ANKRD28: variants seen among roughly 807,000 people sequenced by gnomAD.
ANKRD28 encodes the protein ankyrin repeat domain 28.
Under a neutral mutation model 126.5 loss-of-function variants are expected in ANKRD28, and 44 were observed. The ratio of observed to expected loss-of-function variants is 0.35; its 90% confidence interval spans 0.27 to 0.45. ANKRD28 has a LOEUF of 0.45. ANKRD28 is among the 20% of genes least tolerant of loss of function. The pLI is 1.00. For synonymous variants in ANKRD28, 442 were observed against 468.5 expected (o/e 0.94, Z 0.73); for missense variants, 1,110 against 1,316.6 (o/e 0.84, Z 2.43).
At position 15,692,194 on chromosome 3, in the gene ANKRD28, A is replaced by G. The variant is rs78574426; in HGVS notation, c.1762-1974T>C. Among the ~76,000 whole-genome samples the G allele has an allele frequency of 8.0e-3, 1,205 of 151,426 alleles. 9 individuals are homozygous for G. Among genetic ancestry groups the G allele is most frequent in the Non-Finnish European group, 0.013 (868 of 67,874 alleles). ...AGGTTGGGCATGGTCACTCACACCT[A>G]TATCTCAGCACTTTGGCAGGCCAAC... On this transcript the variant is annotated intron_variant, in intron 17 of 27. Transcript: ENST00000683139.
chr3:15,683,234 GT>G (rs1325744739), intron 21 of ANKRD28, among the ~76,000 whole-genome samples: 1 of 152,096 alleles, frequency 6.6e-6, no homozygotes, highest in Non-Finnish European at 1.5e-5. Flanking sequence ...CTTCTGAACA[GT>G]TTTATCTCAC....
chr3:15,797,763 A>T lies in ANKRD28; in HGVS notation c.-1242T>A. 1.0e-6 allele frequency: 1 copy of T among 985,424 alleles called. No homozygotes were observed. The highest frequency in any genetic ancestry group is 1.2e-6 in the Non-Finnish European group (1 of 829,930). The allele number at this position is 985,424 out of a possible 1,614,324, so 61.0% of individuals were successfully genotyped here. ...TTCCACTGTGAAAACCGCCACAGTT[A>T]TCCTTTTCAGATTTCAAATGCTTTC... On this transcript the variant is annotated 5_prime_UTR_variant, in exon 1 of 28. Coordinates refer to ENST00000683139, the MANE Select transcript of ANKRD28 (RefSeq NM_001349278.2).
At chr3:15,809,924 T>A (rs775715092) in intron 1 of ANKRD28, among the ~76,000 whole-genome samples, 1 of 152,216 alleles carries the variant, frequency 6.6e-6, no homozygotes, top group African/African-American at 2.4e-5. Context: ...TACATGCAGC[T>A]ATGCCCTTGC....
At chr3:15,675,809 A>G in intron 27 of ANKRD28, 89 bp downstream of exon 27, 2 of 1,151,874 alleles carry the variant, frequency 1.7e-6, no homozygotes, top group Non-Finnish European at 2.4e-6. Flanking sequence ...TCTTTGACCA[A>G]TAAAAAATAT....
chr3:15,850,224 T>TATATATATAGAGAGAGAGAG (rs1418223588), intron 1 of ANKRD28, among the ~76,000 whole-genome samples: 16 of 35,112 alleles, frequency 4.6e-4, no homozygotes, highest in Non-Finnish European at 7.8e-4. Flanking sequence ...TATATATATA[T>TATATATATAGAGAGAGAGAG]AGAGAGAGAG....
chr3:15,785,972 G>C (rs1402505998), intron 2 of ANKRD28, among the ~76,000 whole-genome samples: 1 of 151,942 alleles, frequency 6.6e-6, no homozygotes, highest in African/African-American at 2.4e-5. Flanking sequence ...CCAACTATAT[G>C]ACATTTTGGA....
chr3:15,845,870 G>T lies in ANKRD28; in HGVS notation c.27+13507C>A, dbSNP rs2125982965. Among the ~76,000 whole-genome samples, 1 of 152,210 alleles carries T rather than the reference G, an allele frequency of 6.6e-6. No individual in the cohort carries two copies. Among genetic ancestry groups the T allele is most frequent in the South Asian group, 2.1e-4 (1 of 4,826 alleles). On this transcript the variant is annotated intron_variant, in intron 1 of 27. Transcript: ENST00000399451. The surrounding 1 kb of genome is among the most constrained non-coding windows in gnomAD (Gnocchi z 4.9). Reference sequence around the variant, plus strand: ...TATGTGCCACACACTTTAAACCATTGCATCTCGTGAAAACTCGCTCACTAT... The same window carrying T: ...TATGTGCCACACACTTTAAACCATTTCATCTCGTGAAAACTCGCTCACTAT...
intron 26 of ANKRD28, chr3:15,676,583 T>G (rs1290725537): frequency 6.0e-6 from 1 of 166,600 alleles, no homozygotes; most frequent in African/African-American, 2.4e-5. Flanking sequence ...TTATTAAAAA[T>G]TTTGATTCTT....
At chr3:15,752,799 G>A (rs987515748) in intron 3 of ANKRD28, among the ~76,000 whole-genome samples, 1 of 152,160 alleles carries the variant, frequency 6.6e-6, no homozygotes, top group Non-Finnish European at 1.5e-5. Context: ...TTATTTCTAG[G>A]TTTTGAGTGT....
At chr3:15,858,227 G>C (rs1008901422) in intron 1 of ANKRD28, among the ~76,000 whole-genome samples, 2 of 152,172 alleles carry the variant, frequency 1.3e-5, no homozygotes, top group African/African-American at 2.4e-5. Flanking sequence ...TTATAGGACA[G>C]AACAGTTGTA....
chr3:15,785,560 C>T (rs1435008028), intron 2 of ANKRD28, among the ~76,000 whole-genome samples: 2 of 152,104 alleles, frequency 1.3e-5, no homozygotes, highest in Non-Finnish European at 2.9e-5. Context: ...ACACTGATAA[C>T]ACCAAATGCT....
intron 4 of ANKRD28, among the ~76,000 whole-genome samples, chr3:15,748,984 TG>T: frequency 6.6e-6 from 1 of 152,262 alleles, no homozygotes; most frequent in African/African-American, 2.4e-5. Context: ...ATTGTATTGC[TG>T]AGACTTTCCA....
rs1303105030 is a variant in ANKRD28 at position 15,771,432 on chromosome 3, G to C, written c.202-5120C>G. Among the ~76,000 whole-genome samples, 4 of 149,836 alleles carry C rather than the reference G, an allele frequency of 2.7e-5. No homozygotes were observed. The Admixed American group carries it at 2.7e-4, about 10-fold the overall frequency. On this transcript the variant is annotated intron_variant, in intron 2 of 27. Transcript: ENST00000683139. ...CTCAAAAAAAAAAAAAAAAGGCATG[G>C]CACCAGCATCTGCTTCTGATGAGGG... is the stretch of plus-strand genomic sequence containing the variant.
intron 14 of ANKRD28, among the ~76,000 whole-genome samples, chr3:15,698,445 A>C (rs1379199904): frequency 1.3e-5 from 2 of 152,242 alleles, no homozygotes; most frequent in African/African-American, 4.8e-5. Context: ...AGAGGAAGTC[A>C]AATTGTCTCT....
chr3:15,759,913 G>A (rs2058363179), intron 3 of ANKRD28, among the ~76,000 whole-genome samples: 1 of 152,094 alleles, frequency 6.6e-6, no homozygotes, highest in Non-Finnish European at 1.5e-5. Context: ...GTAATTCACA[G>A]GAAAAGCACC....
intron 6 of ANKRD28, among the ~76,000 whole-genome samples, chr3:15,727,541 TG>T (rs1365502708): frequency 1.0e-4 from 12 of 115,294 alleles, no homozygotes; most frequent in Middle Eastern, 5.9e-3. Flanking sequence ...CACTCCAGCC[TG>T]GGCAACAAAG....
At chr3:15,840,722 C>T (rs1010988245) in intron 1 of ANKRD28, among the ~76,000 whole-genome samples, 1 of 152,156 alleles carries the variant, frequency 6.6e-6, no homozygotes, top group Non-Finnish European at 1.5e-5. Context: ...ATAGAGAACC[C>T]AGGGATAAAT....
chr3:15,813,644 A>G (rs747488944), intron 1 of ANKRD28, among the ~76,000 whole-genome samples: 9 of 152,196 alleles, frequency 5.9e-5, no homozygotes, highest in Non-Finnish European at 1.2e-4. Flanking sequence ...AAGAAGCCTA[A>G]CAAATACTAC....
In ANKRD28 at chr3:15,838,412, T is replaced by C. The variant is rs1225143563; in HGVS notation, c.27+20965A>G. ...TTGGCTATTCTTAAAACATTAAACA[T>C]AAGCTTATTATACGACCCAGCGATT... is the stretch of plus-strand genomic sequence containing the variant. On this transcript the variant is annotated intron_variant, in intron 1 of 27. Transcript: ENST00000399451. The surrounding 1 kb of genome is among the most constrained non-coding windows in gnomAD (Gnocchi z 4.0). Among the ~76,000 whole-genome samples the C allele has an allele frequency of 6.6e-6, 1 of 152,048 alleles. No individual in the cohort carries two copies. Among genetic ancestry groups the C allele is most frequent in the Non-Finnish European group, 1.5e-5 (1 of 68,002 alleles).
Sources: gnomAD v4.1 joint callset for allele counts (sites outside exome capture counted in the v4.1 genomes callset) on GRCh38, gnomAD v4.1.1 for gene constraint, Gnocchi (gnomAD v3.1) non-coding constraint, MANE v1.5 for transcripts, NCBI Gene and HGNC (gene_info 2026-07-23, HGNC 2026-07-21) for gene names.